TSPAN18: variants seen among roughly 807,000 people sequenced by gnomAD.
TSPAN18 encodes tetraspanin-18.
Under a neutral mutation model 27.3 loss-of-function variants are expected in TSPAN18, and 14 were observed. The ratio of observed to expected loss-of-function variants is 0.51; its 90% CI spans 0.34 to 0.80. TSPAN18 has a LOEUF of 0.80. Ranked by LOEUF, TSPAN18 falls within the 30% of genes least tolerant of loss-of-function variation. TSPAN18 has a pLI of 0.01. For missense variants in TSPAN18, 268 were observed against 323.9 expected (o/e 0.83, Z 1.32); for synonymous variants, 143 against 136.5 (o/e 1.05, Z -0.33).
chr11:44,790,543 T>C (rs370632238), intron 2 of TSPAN18, among the ~76,000 whole-genome samples: 4 of 150,250 alleles, frequency 2.7e-5, no homozygotes, highest in African/African-American at 9.9e-5. Context: ...TGTGTGTGCA[T>C]GTTTGTGTGT....
In TSPAN18 at chr11:44,882,846, C is replaced by T. The variant is rs368829948; in HGVS notation, c.-11+22377C>T. Among the ~76,000 whole-genome samples, 98 of 152,292 alleles carry T rather than the reference C, an allele frequency of 6.4e-4. 1 individual carries two copies. The South Asian group carries it at 0.02, about 31-fold the overall frequency. Reference sequence around the variant, plus strand: ...CCCCAGACCCCCAGACCCAAGGGCGCTGCCTTTTGTTCTTACATCCTCAAG... The same window carrying T: ...CCCCAGACCCCCAGACCCAAGGGCGTTGCCTTTTGTTCTTACATCCTCAAG... On this transcript the variant is annotated intron_variant, in intron 3 of 9. Coordinates refer to ENST00000520358, the MANE Select transcript of TSPAN18 (RefSeq NM_130783.5).
chr11:44,842,978 C>G (rs907048541), intron 2 of TSPAN18, among the ~76,000 whole-genome samples: 4 of 151,920 alleles, frequency 2.6e-5, no homozygotes, highest in African/African-American at 4.8e-5. Context: ...CTATCACCTT[C>G]AAGCAATTGT....
chr11:44,739,475 T>A (rs950636294), intron 1 of TSPAN18, among the ~76,000 whole-genome samples: 1 of 152,092 alleles, frequency 6.6e-6, no homozygotes, highest in Middle Eastern at 3.4e-3. Flanking sequence ...ATAGAAAAAA[T>A]TAGCCGAGTG....
At chr11:44,869,470 C>A (rs1858132016) in intron 3 of TSPAN18, among the ~76,000 whole-genome samples, 1 of 152,170 alleles carries the variant, frequency 6.6e-6, no homozygotes, top group Admixed American at 6.5e-5. Flanking sequence ...CAACCAGGAA[C>A]AAGTCAGATC....
At position 44,908,056 on chromosome 11, in the gene TSPAN18, G is replaced by GAAAAAAAAA. The variant is rs386373739; in HGVS notation, c.63+1583_63+1591dup. Among the ~76,000 whole-genome samples the GAAAAAAAAA allele has an allele frequency of 4.8e-5, 6 of 124,956 alleles. No homozygotes were observed. In the South Asian group the frequency reaches 1.3e-3, roughly 28 times the overall value. The allele number at this position is 124,956 out of a possible 152,430, so 82.0% of individuals were successfully genotyped here. On this transcript the variant is annotated intron_variant, in intron 4 of 9. Transcript: ENST00000520358. The stretch of plus-strand genomic sequence containing the variant: ...GGCAACAGAGTGAAACTCCGTCTCA[G>GAAAAAAAAA]AAAAAAAAAAAAAAGGAGAGAGACA...
intron 2 of TSPAN18, among the ~76,000 whole-genome samples, chr11:44,855,340 A>C (rs1653736281): frequency 6.6e-6 from 1 of 152,204 alleles, no homozygotes; most frequent in African/African-American, 2.4e-5. Context: ...GAGGCCTAGC[A>C]CAGCCAACTC....
chr11:44,774,049 G>A (rs568706910), intron 2 of TSPAN18, among the ~76,000 whole-genome samples: 1 of 152,146 alleles, frequency 6.6e-6, no homozygotes, highest in African/African-American at 2.4e-5. Context: ...GCCCATGGAG[G>A]CAGCTGTTCT....
intron 3 of TSPAN18, among the ~76,000 whole-genome samples, chr11:44,893,359 G>A (rs1315993755): frequency 6.6e-6 from 1 of 152,140 alleles, no homozygotes; most frequent in Non-Finnish European, 1.5e-5. Context: ...TAAGGCACCC[G>A]CCCCTCAGGA....
chr11:44,880,526 G>A lies in TSPAN18; in HGVS notation c.-11+20057G>A, dbSNP rs74746039. ...GGCACATGGGGCATATTCACCCAGT[G>A]TGAGCCCTTGGGTACGGAGGCCTGG... On this transcript the variant is annotated intron_variant, in intron 3 of 9. Transcript: ENST00000520358. Among the ~76,000 whole-genome samples, 50 of 152,368 alleles carry A rather than the reference G, an allele frequency of 3.3e-4. No individual in the cohort carries two copies. The East Asian group carries it at 6.9e-3, about 21-fold the overall frequency.
intron 3 of TSPAN18, among the ~76,000 whole-genome samples, chr11:44,898,133 C>A (rs892876526): frequency 6.6e-6 from 1 of 152,210 alleles, no homozygotes; most frequent in South Asian, 2.1e-4. Context: ...CAAGTCCATG[C>A]CTTTATGAAA....
intron 4 of TSPAN18, among the ~76,000 whole-genome samples, chr11:44,906,895 C>T (rs975320621): frequency 5.9e-5 from 9 of 152,140 alleles, no homozygotes; most frequent in Non-Finnish European, 1.3e-4. Context: ...ATGTAGCCAC[C>T]GGATATAATC....
At chr11:44,821,139 G>A (rs10838361) in intron 2 of TSPAN18, among the ~76,000 whole-genome samples, 46,798 of 152,170 alleles carry the variant, frequency 0.31, 8,581 homozygotes, top group Non-Finnish European at 0.4. Flanking sequence ...TGAGGCGGCT[G>A]CCAGTGTCTG....
chr11:44,798,641 G>A (rs1337555074), intron 2 of TSPAN18, among the ~76,000 whole-genome samples: 1 of 152,048 alleles, frequency 6.6e-6, no homozygotes, highest in Non-Finnish European at 1.5e-5. Context: ...CCTCCCCTTG[G>A]CCTTCCTGGA....
chr11:44,828,988 T>C (rs1857101021), intron 2 of TSPAN18, among the ~76,000 whole-genome samples: 1 of 152,212 alleles, frequency 6.6e-6, no homozygotes, highest in Non-Finnish European at 1.5e-5. Context: ...ATCTCTCTAC[T>C]ATAACCCAGT....
intron 1 of TSPAN18, among the ~76,000 whole-genome samples, chr11:44,730,514 C>G (rs1247695354): frequency 1.3e-5 from 2 of 152,148 alleles, no homozygotes; most frequent in African/African-American, 2.4e-5. Flanking sequence ...TTTCTACCAC[C>G]TGATGCCATT....
At chr11:44,820,055 A>G (rs1312678684) in intron 2 of TSPAN18, among the ~76,000 whole-genome samples, 1 of 152,172 alleles carries the variant, frequency 6.6e-6, no homozygotes, top group Non-Finnish European at 1.5e-5. Flanking sequence ...AGGAAATCCA[A>G]GGGGCAAAAC....
At chr11:44,755,433 C>T (rs1855308809) in intron 1 of TSPAN18, among the ~76,000 whole-genome samples, 1 of 151,946 alleles carries the variant, frequency 6.6e-6, no homozygotes. Context: ...AGGTGGGAAG[C>T]GCTTCCCTCC....
intron 3 of TSPAN18, among the ~76,000 whole-genome samples, chr11:44,877,866 G>A (rs999994776): frequency 9.9e-5 from 15 of 152,034 alleles, no homozygotes; most frequent in African/African-American, 2.2e-4. Flanking sequence ...ACCTTTAGGT[G>A]TAATAGAGCT....
chr11:44,923,467 T>A (rs1310957888), intron 8 of TSPAN18, among the ~76,000 whole-genome samples: 3 of 152,010 alleles, frequency 2.0e-5, no homozygotes, highest in Admixed American at 2.0e-4. Flanking sequence ...GGGGTGGAGA[T>A]GGTGGGTGGT....
Sources: gnomAD v4.1 joint callset for allele counts (sites outside exome capture counted in the v4.1 genomes callset) on GRCh38, gnomAD v4.1.1 for gene constraint, MANE v1.5 for transcripts, NCBI Gene and HGNC (gene_info 2026-07-23, HGNC 2026-07-21) for gene names.